DCUN1D4: variants seen among roughly 807,000 people sequenced by gnomAD.
The protein encoded by DCUN1D4 is DCN1-like protein 4.
Under a neutral mutation model 47.9 loss-of-function variants are expected in DCUN1D4, and 22 were observed. The ratio of observed to expected loss-of-function variants is 0.46; its 90% CI spans 0.33 to 0.66. The LOEUF is 0.66. Among genes scored for constraint, DCUN1D4 ranks in the 30% least tolerant of loss-of-function variants. The pLI is 0.02. For missense variants in DCUN1D4, 301 were observed against 340.8 expected (o/e 0.88, Z 0.92); for synonymous variants, 121 against 112.2 (o/e 1.08, Z -0.50).
At chr4:51,856,261 A>AT (rs1443119124) in intron 1 of DCUN1D4, among the ~76,000 whole-genome samples, 33 of 152,236 alleles carry the variant, frequency 2.2e-4, no homozygotes, top group Admixed American at 5.2e-4. Flanking sequence ...TAAGAGCATA[A>AT]TACTGTTTAA....
intron 1 of DCUN1D4, chr4:51,860,397 T>C (rs916081630): frequency 2.6e-4 from 80 of 308,392 alleles, no homozygotes; most frequent in Non-Finnish European, 3.9e-5. Context: ...TTTGTTCCTG[T>C]GTGTTGTGAT....
chr4:51,834,544 C>A, the DCUN1D4 span, among the ~76,000 whole-genome samples: 1 of 152,204 alleles, frequency 6.6e-6, no homozygotes, highest in East Asian at 1.9e-4. Context: ...CCTTCTGAGT[C>A]TTCAGGCTCC....
At chr4:51,874,089 A>G (rs1333538017) in intron 3 of DCUN1D4, among the ~76,000 whole-genome samples, 182 bp from the exon 4 acceptor site, 1 of 152,250 alleles carries the variant, frequency 6.6e-6, no homozygotes, top group Admixed American at 6.5e-5. Context: ...TGTCGTCGCT[A>G]GGTTTATTTC....
chr4:51,896,765 T>G (rs1247145001), intron 7 of DCUN1D4, among the ~76,000 whole-genome samples: 3 of 152,146 alleles, frequency 2.0e-5, no homozygotes, highest in Admixed American at 2.0e-4. Context: ...TCTCTTTTCC[T>G]TCCCACCAGT....
At chr4:51,872,241 A>G (rs1727010135) in intron 3 of DCUN1D4, among the ~76,000 whole-genome samples, 1 of 152,192 alleles carries the variant, frequency 6.6e-6, no homozygotes, top group East Asian at 1.9e-4. Flanking sequence ...GGAACTTAGC[A>G]CAGTGATGGA....
chr4:51,859,195 G>A (rs540703574), intron 1 of DCUN1D4, among the ~76,000 whole-genome samples: 1 of 151,940 alleles, frequency 6.6e-6, no homozygotes, highest in Admixed American at 6.5e-5. Context: ...TACAACGTTG[G>A]GTCTTTCTAT....
At chr4:51,895,580 A>C (rs1006928698) in intron 7 of DCUN1D4, among the ~76,000 whole-genome samples, 3 of 151,144 alleles carry the variant, frequency 2.0e-5, no homozygotes, top group African/African-American at 4.9e-5. Flanking sequence ...AAAAAAAAAA[A>C]AAAAAAAACA....
chr4:51,880,995 G>A (rs540104546), intron 5 of DCUN1D4, among the ~76,000 whole-genome samples: 126 of 152,194 alleles, frequency 8.3e-4, no homozygotes, highest in African/African-American at 2.8e-3. Flanking sequence ...AGGCGTGGTG[G>A]CATGCGCCTG....
intron 1 of DCUN1D4, chr4:51,843,498 G>A (rs1166242486): frequency 1.6e-6 from 2 of 1,285,510 alleles, no homozygotes; most frequent in South Asian, 4.8e-5. Flanking sequence ...GCGGAGGTGA[G>A]GGGGGTGGGG....
chr4:51,913,397 G>C lies in DCUN1D4; in HGVS notation c.823+5G>C. 6.2e-7 allele frequency: 1 copy of C among 1,606,556 alleles called. No homozygotes were observed. Among genetic ancestry groups the C allele is most frequent in the Non-Finnish European group, 8.5e-7 (1 of 1,174,018 alleles). On this transcript the variant is annotated splice_donor_5th_base_variant and intron_variant, in intron 10 of 10. Transcript: ENST00000334635. Reference sequence around the variant, plus strand: ...ACTATGATGAAGATGGAGCATGTAAGTACTGCCGCTACCATTCTGCCATTC... The same window carrying C: ...ACTATGATGAAGATGGAGCATGTAACTACTGCCGCTACCATTCTGCCATTC...
chr4:51,863,338 A>G (rs1335221781), intron 1 of DCUN1D4, 99 bp from the exon 2 acceptor site: 11 of 928,636 alleles, frequency 1.2e-5, no homozygotes, highest in South Asian at 4.5e-5. Flanking sequence ...TAATTGAGAT[A>G]GTATTTAATT....
chr4:51,893,916 T>A (rs1730831931), intron 7 of DCUN1D4, among the ~76,000 whole-genome samples: 1 of 152,214 alleles, frequency 6.6e-6, no homozygotes, highest in Non-Finnish European at 1.5e-5. Context: ...AGAATGTCCC[T>A]CTACAAAAGA....
At chr4:51,888,724 C>CA (rs71193044) in intron 6 of DCUN1D4, among the ~76,000 whole-genome samples, 3,403 of 80,856 alleles carry the variant, frequency 0.042, 70 homozygotes, top group Middle Eastern at 0.091. Context: ...ACTCCATCTC[C>CA]AAAAAAAAAA....
At chr4:51,856,324 T>C (rs752462253) in intron 1 of DCUN1D4, among the ~76,000 whole-genome samples, 19 of 152,216 alleles carry the variant, frequency 1.2e-4, no homozygotes, top group Non-Finnish European at 1.9e-4. Flanking sequence ...TAAAACACTT[T>C]GATGATGCTT....
chr4:51,835,369 C>T, the DCUN1D4 span, among the ~76,000 whole-genome samples: 1 of 152,196 alleles, frequency 6.6e-6, no homozygotes, highest in African/African-American at 2.4e-5. Context: ...AATGACTTAA[C>T]ATGAGTACTT....
chr4:51,881,660 T>TAAAA (rs534474397), intron 5 of DCUN1D4, among the ~76,000 whole-genome samples: 495 of 109,968 alleles, frequency 4.5e-3, no homozygotes, highest in Non-Finnish European at 7.8e-3. Flanking sequence ...AGATACAAGT[T>TAAAA]AAAAAAAAAA....
the DCUN1D4 span, among the ~76,000 whole-genome samples, chr4:51,837,423 T>G: frequency 6.6e-5 from 10 of 151,874 alleles, no homozygotes; most frequent in Non-Finnish European, 1.5e-5. Flanking sequence ...ATCCCAGCAC[T>G]TTGGGAGGCC....
chr4:51,859,393 T>C (rs1275570377), intron 1 of DCUN1D4, among the ~76,000 whole-genome samples: 1 of 152,184 alleles, frequency 6.6e-6, no homozygotes, highest in East Asian at 1.9e-4. Context: ...TTGCTTTTTA[T>C]GTATTTAAAT....
chr4:51,891,914 C>A, intron 7 of DCUN1D4, 63 bp downstream of exon 7: 1 of 1,280,498 alleles, frequency 7.8e-7, no homozygotes, highest in Non-Finnish European at 1.1e-6. Context: ...TCCTTCCTCC[C>A]TAGGACTTCA....
Sources: allele counts gnomAD v4.1 joint callset (sites outside exome capture counted in the v4.1 genomes callset), GRCh38; gene constraint gnomAD v4.1.1; transcripts MANE v1.5; gene names NCBI Gene and HGNC (gene_info 2026-07-23, HGNC 2026-07-21).